Variants in NCMAP observed in about 807,000 individuals in gnomAD.
NCMAP encodes noncompact myelin-associated protein.
A neutral mutation model predicts 7.8 loss-of-function variants in NCMAP; 8 were observed. That is an observed-to-expected ratio of 1.02 (90% CI 0.60 to 1.84). The LOEUF (loss-of-function observed/expected upper bound fraction) is 1.84, where lower values mean the gene tolerates loss of function less well. Among genes scored for constraint, NCMAP ranks in the 40% most tolerant of loss-of-function variants. NCMAP has a pLI of 0.00. For missense variants in NCMAP, 112 were observed against 131.4 expected, an observed-to-expected ratio of 0.85 and a Z score of 0.72; for synonymous variants, 41 against 52.9, an observed-to-expected ratio of 0.78 and a Z score of 0.98.
intron 1 of NCMAP, among the ~76,000 whole-genome samples, chr1:24,563,250 G>A (rs1474816282): frequency 6.6e-6 from 1 of 152,208 alleles, no homozygotes; most frequent in African/African-American, 2.4e-5. Flanking sequence ...GGCCGGGCAA[G>A]GTGGCTTGCG....
chr1:24,595,492 G>A lies in NCMAP; in HGVS notation c.62G>A (p.Gly21Glu), dbSNP rs1234313765. The part of the protein sequence containing the change: ...TFFSLNMTTR[G>E]EDFLYKSSGA... ...TTCTCACTGAACATGACCACCAGGG[G>A]AGAAGACTTCCTGTATAAGAGTAAG... is the stretch of plus-strand genomic sequence containing the variant. The change falls in exon 2 of 4, where the codon GGA (glycine) becomes GAA (glutamate). Residue 21 changes from glycine to glutamate, a missense_variant. Gly to Glu is a moderately conservative substitution (Grantham distance 98). Coordinates refer to ENST00000374392, the MANE Select transcript of NCMAP (RefSeq NM_001010980.5). 1 of 1,613,906 alleles carries A rather than the reference G, an allele frequency of 6.2e-7. No homozygotes were observed. The highest frequency in any genetic ancestry group is 1.1e-5 in the South Asian group (1 of 91,068).
intron 3 of NCMAP, among the ~76,000 whole-genome samples, chr1:24,604,174 G>A (rs1557605064): frequency 6.6e-6 from 1 of 151,236 alleles, no homozygotes; most frequent in Admixed American, 6.6e-5. Flanking sequence ...TAGGGATTAA[G>A]TTTCCAATGC....
At position 24,576,209 on chromosome 1, in the gene NCMAP, G is replaced by A. The variant is rs11249136; in HGVS notation, c.-7-19215G>A. On this transcript the variant is annotated intron_variant, in intron 1 of 3. Coordinates refer to ENST00000374392, the MANE Select transcript of NCMAP (RefSeq NM_001010980.5). This position sits in a 1 kb window ranked among gnomAD's most constrained non-coding sequence, Gnocchi z 4.0. ...ACAGAAAGGCCACTTAGGTCTGTGCGGCATCCACATCCCACCTCCTGACAA... is the reference window on the plus strand; with the variant it reads ...ACAGAAAGGCCACTTAGGTCTGTGCAGCATCCACATCCCACCTCCTGACAA... Among the ~76,000 whole-genome samples, 22,896 of 152,114 alleles carry A rather than the reference G, an allele frequency of 0.15. 2,583 individuals carry two copies. The highest frequency in any genetic ancestry group is 0.32 in the African/African-American group (13,306 of 41,464).
intron 1 of NCMAP, among the ~76,000 whole-genome samples, chr1:24,593,376 C>T (rs1652109434): frequency 1.3e-5 from 2 of 151,842 alleles, no homozygotes; most frequent in African/African-American, 2.4e-5. Flanking sequence ...GCCTGTAGTC[C>T]CAGCTATTCA....
chr1:24,604,630 A>ATGTGTGTGTGTGTGTGTGTGTG (rs1652651910), intron 3 of NCMAP, among the ~76,000 whole-genome samples: 2 of 87,468 alleles, frequency 2.3e-5, no homozygotes, highest in African/African-American at 1.1e-4. Context: ...ATATATATAT[A>ATGTGTGTGTGTGTGTGTGTGTG]TATATATATA....
chr1:24,568,145 C>T (rs948632408), intron 1 of NCMAP, among the ~76,000 whole-genome samples: 1 of 152,144 alleles, frequency 6.6e-6, no homozygotes, highest in Non-Finnish European at 1.5e-5. Flanking sequence ...CACGGCCTCC[C>T]TCTCAGGCTG....
rs1652716146 is a variant in NCMAP, at chr1:24,606,062, C to T, written c.*315C>T. The stretch of plus-strand genomic sequence containing the variant: ...CCCACACTGTAGTTAGACAGATAGA[C>T]AGATAGCCCAGGAGCCAGGTGTCAG... On this transcript the variant is annotated 3_prime_UTR_variant, in exon 4 of 4. Transcript: ENST00000374392. The T allele has an allele frequency of 3.4e-6, 1 of 295,944 alleles. No individual in the cohort carries two copies. The highest frequency in any genetic ancestry group is 6.3e-5 in the South Asian group (1 of 15,750). The allele number at this position is 295,944 out of a possible 1,614,324, so 18.3% of individuals were successfully genotyped here.
chr1:24,604,057 C>G (rs1652598783), intron 3 of NCMAP, among the ~76,000 whole-genome samples: 2 of 152,206 alleles, frequency 1.3e-5, no homozygotes. Flanking sequence ...AGATCAAATT[C>G]ACAGCCTAAG....
At chr1:24,558,541 T>G (rs922979217) in intron 1 of NCMAP, among the ~76,000 whole-genome samples, 9 of 152,130 alleles carry the variant, frequency 5.9e-5, no homozygotes, top group African/African-American at 2.2e-4. Flanking sequence ...CAGAGAAGGA[T>G]CTAGTGCTAG....
intron 1 of NCMAP, among the ~76,000 whole-genome samples, chr1:24,586,314 C>T (rs928814314): frequency 7.9e-5 from 12 of 152,148 alleles, no homozygotes; most frequent in East Asian, 7.7e-4. Context: ...CAAATCAACA[C>T]GGTCAAGGCT....
At chr1:24,566,070 G>A (rs1651220806) in intron 1 of NCMAP, among the ~76,000 whole-genome samples, 1 of 152,126 alleles carries the variant, frequency 6.6e-6, no homozygotes, top group Non-Finnish European at 1.5e-5. Context: ...CTCCATGACT[G>A]TAAGTTTCCT....
At chr1:24,572,063 G>T (rs1244463690) in intron 1 of NCMAP, among the ~76,000 whole-genome samples, 1 of 150,818 alleles carries the variant, frequency 6.6e-6, no homozygotes. Context: ...AGATGCTGCT[G>T]GGTGGTGAAA....
Position 24,556,163 on chromosome 1 carries a change from A to G in NCMAP, c.-14A>G, listed in dbSNP as rs1650888957. ...GGCGGGAGGCCGAGCGGGGCTCGAC[A>G]GAGCAGGTAGGAGGCGCCTGGTCGC... On this transcript the variant is annotated 5_prime_UTR_variant, in exon 1 of 4. Coordinates refer to ENST00000374392, the MANE Select transcript of NCMAP (RefSeq NM_001010980.5). 1 of 152,724 alleles carries G rather than the reference A, an allele frequency of 6.5e-6. No individual in the cohort carries two copies. Among genetic ancestry groups the G allele is most frequent in the African/African-American group, 2.4e-5 (1 of 41,562 alleles). 9.5% of individuals were successfully genotyped at this position (152,724 alleles called of 1,614,324 possible).
intron 1 of NCMAP, among the ~76,000 whole-genome samples, chr1:24,560,603 G>A (rs146654721): frequency 5.9e-5 from 9 of 152,306 alleles, no homozygotes; most frequent in African/African-American, 2.2e-4. Flanking sequence ...ACTTTAGCAG[G>A]TGTGGTGTTG....
At chr1:24,593,886 TTATTTA>T (rs1166748909) in intron 1 of NCMAP, among the ~76,000 whole-genome samples, 1 of 150,724 alleles carries the variant, frequency 6.6e-6, no homozygotes, top group Admixed American at 6.6e-5. Flanking sequence ...ATTTATTTAT[TTATTTA>T]TTTATTTATT....
At chr1:24,573,896 A>C (rs963645387) in intron 1 of NCMAP, among the ~76,000 whole-genome samples, 4 of 144,606 alleles carry the variant, frequency 2.8e-5, no homozygotes, top group African/African-American at 1.1e-4. Flanking sequence ...CTAGACGGGG[A>C]AGATCCGCTC....
chr1:24,586,200 A>C (rs1651875295), intron 1 of NCMAP, among the ~76,000 whole-genome samples: 1 of 152,202 alleles, frequency 6.6e-6, no homozygotes, highest in Non-Finnish European at 1.5e-5. Context: ...AGGTCTAGGC[A>C]ACCCCAAAGC....
intron 2 of NCMAP, among the ~76,000 whole-genome samples, chr1:24,598,790 A>G (rs1410343331): frequency 6.6e-6 from 1 of 151,470 alleles, no homozygotes; most frequent in African/African-American, 2.4e-5. Flanking sequence ...GGCTTGTACC[A>G]CCAGGCCCAG....
At chr1:24,603,951 G>A (rs1464946974) in intron 3 of NCMAP, among the ~76,000 whole-genome samples, 1 of 152,236 alleles carries the variant, frequency 6.6e-6, no homozygotes, top group East Asian at 1.9e-4. Flanking sequence ...TCTGGAGGCA[G>A]GGAAGTTTAA....
Sources: gnomAD v4.1 joint callset for allele counts (sites outside exome capture counted in the v4.1 genomes callset) on GRCh38, gnomAD v4.1.1 for gene constraint, Gnocchi (gnomAD v3.1) non-coding constraint, MANE v1.5 for transcripts, NCBI Gene and HGNC (gene_info 2026-07-23, HGNC 2026-07-21) for gene names.